Variants in ATP6V0A1 observed in about 807,000 individuals in gnomAD.
ATP6V0A1 encodes V-type proton ATPase 116 kDa subunit a 1.
ATP6V0A1 carries 43 observed loss-of-function variants against 105.4 expected under a neutral mutation model. The observed-to-expected ratio is 0.41, with a 90% CI of 0.32 to 0.53. The LOEUF (loss-of-function observed/expected upper bound fraction) is 0.53. Ranked by LOEUF, ATP6V0A1 falls within the 20% of genes least tolerant of loss-of-function variation. The pLI, the probability that ATP6V0A1 is intolerant of heterozygous loss-of-function variation, is 0.30. For synonymous variants in ATP6V0A1, 362 were observed against 372.8 expected (o/e 0.97, Z 0.33); for missense variants, 676 against 1,051.1 (o/e 0.64, Z 4.93).
chr17:42,463,207 A>G (rs2086649602), intron 2 of ATP6V0A1, among the ~76,000 whole-genome samples: 1 of 148,880 alleles, frequency 6.7e-6, no homozygotes, highest in Admixed American at 6.7e-5. Flanking sequence ...GAGTTTCACC[A>G]TGTTGCCCAG....
chr17:42,464,561 C>G (rs1464467606), intron 2 of ATP6V0A1, among the ~76,000 whole-genome samples: 1 of 152,036 alleles, frequency 6.6e-6, no homozygotes, highest in African/African-American at 2.4e-5. Flanking sequence ...CGCTGCCACT[C>G]CCGGCTAATT....
Position 42,521,380 on chromosome 17 carries a change from C to T in ATP6V0A1, c.*260C>T. The stretch of plus-strand genomic sequence containing the variant: ...TCTTAGCCTCCATCCATCCAGACAG[C>T]CCTTCCCACCTCCTGGTGGTGAGCC... On this transcript the variant is annotated 3_prime_UTR_variant, in exon 22 of 22. Transcript: ENST00000343619. This position sits in a 1 kb window ranked among gnomAD's most constrained non-coding sequence, Gnocchi z 4.8. 1 of 296,040 alleles carries T rather than the reference C, an allele frequency of 3.4e-6. No homozygotes were observed. Among genetic ancestry groups the T allele is most frequent in the Admixed American group, 5.2e-5 (1 of 19,372 alleles). 18.3% of individuals were successfully genotyped at this position (296,040 alleles called of 1,614,324 possible).
chr17:42,469,215 T>G (rs2087521563), intron 4 of ATP6V0A1, among the ~76,000 whole-genome samples: 1 of 152,118 alleles, frequency 6.6e-6, no homozygotes, highest in Non-Finnish European at 1.5e-5. Flanking sequence ...TCTCAGTAAT[T>G]ATTTTATCCA....
chr17:42,488,788 T>TG (rs113147521), intron 10 of ATP6V0A1, among the ~76,000 whole-genome samples: 151,681 of 151,712 alleles, frequency 1, 75,825 homozygotes, highest in Middle Eastern at 1. Context: ...TTGAGGCGGG[T>TG]CATCACTTGA....
At chr17:42,507,254 G>C in intron 17 of ATP6V0A1, 2 of 355,506 alleles carry the variant, frequency 5.6e-6, no homozygotes, top group Non-Finnish European at 1.0e-5. Context: ...AGGTGAGGCT[G>C]GTGCCTCTTG....
At position 42,500,828 on chromosome 17, in the gene ATP6V0A1, A is replaced by T; in HGVS notation, c.1801A>T (p.Thr601Ser). ...CAAGTGGACGGCCTATGATGCTCAT[A>T]CCTCTGAGAATGCACCAAGCCTTCT... ...FYKWTAYDAH[T>S]SENAPSLLIH... Residue 601 changes from threonine to serine, a missense_variant, in exon 16 of 22, where the codon ACC becomes TCC. Around this residue, in one of 3 missense-constraint regions of ATP6V0A1, gnomAD observed 435 missense variants for 642.2 expected, o/e 0.68. Coordinates refer to ENST00000343619, the MANE Select transcript of ATP6V0A1 (RefSeq NM_001130021.3). 6.2e-7 allele frequency: 1 copy of T among 1,614,052 alleles called. No homozygotes were observed. Among genetic ancestry groups the T allele is most frequent in the Non-Finnish European group, 8.5e-7 (1 of 1,179,938 alleles).
chr17:42,520,920 G>A, intron 21 of ATP6V0A1, 107 bp from the exon 22 acceptor site: 1 of 969,684 alleles, frequency 1.0e-6, no homozygotes. Flanking sequence ...GGGAAGGGAG[G>A]CTCGGGGTGA....
At chr17:42,466,052 CAA>C (rs1299393182) in intron 2 of ATP6V0A1, among the ~76,000 whole-genome samples, 3 of 152,124 alleles carry the variant, frequency 2.0e-5, no homozygotes, top group Admixed American at 6.5e-5. Context: ...GACAGAAAAA[CAA>C]GAGAAGTTCC....
chr17:42,490,140 G>A (rs1333291962), intron 10 of ATP6V0A1, among the ~76,000 whole-genome samples: 1 of 152,136 alleles, frequency 6.6e-6, no homozygotes, highest in Non-Finnish European at 1.5e-5. Flanking sequence ...CCATGAAAGG[G>A]GGAGAACAAC....
chr17:42,512,914 T>A (rs779441916), intron 19 of ATP6V0A1, among the ~76,000 whole-genome samples: 26 of 152,272 alleles, frequency 1.7e-4, no homozygotes, highest in South Asian at 8.3e-4. Flanking sequence ...GGAAGCCCCA[T>A]AAGGGAGCGC....
chr17:42,497,185 CCTAAGGCAGGAGG>C (rs959310923), intron 14 of ATP6V0A1, among the ~76,000 whole-genome samples: 2 of 150,418 alleles, frequency 1.3e-5, no homozygotes, highest in Admixed American at 6.6e-5. Flanking sequence ...CGCCTGTAGT[CCTAAGGCAGGAGG>C]CTAAGGCAGG....
chr17:42,520,511 C>T, intron 21 of ATP6V0A1: 1 of 456,652 alleles, frequency 2.2e-6, no homozygotes, highest in South Asian at 1.5e-5. Flanking sequence ...GAAGACTTCC[C>T]CTCCTAACTC....
chr17:42,515,498 G>T (rs1187970872), intron 21 of ATP6V0A1, among the ~76,000 whole-genome samples: 1 of 146,776 alleles, frequency 6.8e-6, no homozygotes, highest in Non-Finnish European at 1.5e-5. Flanking sequence ...TAGGGGAGGG[G>T]TTGGGGGCCA....
intron 17 of ATP6V0A1, among the ~76,000 whole-genome samples, chr17:42,504,025 T>G (rs7220372): frequency 0.14 from 21,547 of 152,224 alleles, 2,392 homozygotes; most frequent in African/African-American, 0.31. Flanking sequence ...ATTTAAGTCT[T>G]GCGACTTCTT....
chr17:42,500,988 C>T (rs1220507617), intron 16 of ATP6V0A1, 65 bp downstream of exon 16: 1 of 1,525,078 alleles, frequency 6.6e-7, no homozygotes, highest in African/African-American at 1.4e-5. Flanking sequence ...AGATGTTTCT[C>T]TGACCCTAAA....
chr17:42,516,486 A>G (rs1407589343), intron 21 of ATP6V0A1, among the ~76,000 whole-genome samples: 1 of 152,052 alleles, frequency 6.6e-6, no homozygotes, highest in Non-Finnish European at 1.5e-5. Context: ...CCGCAAGCAC[A>G]CTTCCTCAGC....
In ATP6V0A1 at chr17:42,482,135, C is replaced by T. The variant is rs139222407; in HGVS notation, c.717-903C>T. Among the ~76,000 whole-genome samples, 950 of 152,120 alleles carry T rather than the reference C, an allele frequency of 6.2e-3. 2 individuals carry two copies. Among genetic ancestry groups the T allele is most frequent in the Non-Finnish European group, 0.01 (690 of 67,990 alleles). ...GTATTACAGGTGTAAGCCACTGTGCCTGGCCTTTTTTTTGTTTTGTTTTTG... is the reference window on the plus strand; with the variant it reads ...GTATTACAGGTGTAAGCCACTGTGCTTGGCCTTTTTTTTGTTTTGTTTTTG... On this transcript the variant is annotated intron_variant, in intron 8 of 21. Coordinates refer to ENST00000343619, the MANE Select transcript of ATP6V0A1 (RefSeq NM_001130021.3).
At position 42,499,510 on chromosome 17, in the gene ATP6V0A1, G is replaced by A. The variant is rs139253584; in HGVS notation, c.1679+468G>A. On this transcript the variant is annotated intron_variant, in intron 15 of 21. Transcript: ENST00000343619. The stretch of plus-strand genomic sequence containing the variant: ...AATAAATAAATTTCATGGTCTGGCC[G>A]GGTGCAGTGGCTTACACTTGTAATC... Among the ~76,000 whole-genome samples, 386 of 151,590 alleles carry A rather than the reference G, an allele frequency of 2.5e-3. 3 individuals carry two copies. Among genetic ancestry groups the A allele is most frequent in the African/African-American group, 7.8e-3 (322 of 41,348 alleles).
chr17:42,472,627 G>T (rs1326169207), intron 5 of ATP6V0A1, among the ~76,000 whole-genome samples: 11 of 152,020 alleles, frequency 7.2e-5, no homozygotes, highest in African/African-American at 2.7e-4. Flanking sequence ...ATGAGGCTGA[G>T]GCAGGAGAAT....
Sources: gnomAD v4.1 joint callset for allele counts (sites outside exome capture counted in the v4.1 genomes callset) on GRCh38, gnomAD v4.1.1 for gene constraint, gnomAD v4.1.1 regional missense constraint, Gnocchi (gnomAD v3.1) non-coding constraint, MANE v1.5 for transcripts, NCBI Gene and HGNC (gene_info 2026-07-23, HGNC 2026-07-21) for gene names.